The following GRK5 variants were observed in gnomAD, a reference collection of about 807,000 sequenced individuals.
The protein encoded by GRK5 is g protein-coupled receptor kinase GRK5.
A neutral mutation model predicts 78.4 loss-of-function variants in GRK5; 40 were observed. The ratio of observed to expected loss-of-function variants is 0.51; its 90% CI spans 0.40 to 0.66. The LOEUF is 0.66. Ranked by LOEUF, GRK5 falls within the 30% of genes least tolerant of loss-of-function variation. The probability of loss-of-function intolerance (pLI) is 0.00; values close to 1 mark genes in which losing one functional copy is unlikely to be tolerated. For missense variants in GRK5, 598 were observed against 759.9 expected (o/e 0.79, Z 2.50); for synonymous variants, 289 against 296.8 (o/e 0.97, Z 0.27).
chr10:119,409,306 C>G (rs554345961), intron 4 of GRK5, among the ~76,000 whole-genome samples: 42 of 152,312 alleles, frequency 2.8e-4, no homozygotes, highest in African/African-American at 1.0e-3. Context: ...TTCATCTTGG[C>G]GCCTCCTGAC....
At chr10:119,325,908 G>A (rs867689105) in intron 1 of GRK5, among the ~76,000 whole-genome samples, 23 of 152,252 alleles carry the variant, frequency 1.5e-4, no homozygotes, top group African/African-American at 5.1e-4. Context: ...CTCAGTACTC[G>A]TGTGCACTGG....
At chr10:119,401,030 C>T (rs77720443) in intron 4 of GRK5, among the ~76,000 whole-genome samples, 8,063 of 152,194 alleles carry the variant, frequency 0.053, 373 homozygotes, top group East Asian at 0.22. Context: ...TCTGTGTCCC[C>T]GCCCCAGCAT....
chr10:119,324,757 ATGTGTGTGCACT>A (rs903027259), intron 1 of GRK5, among the ~76,000 whole-genome samples: 1 of 152,274 alleles, frequency 6.6e-6, no homozygotes, highest in African/African-American at 2.4e-5. Context: ...TGTACATGAA[ATGTGTGTGCACT>A]TGTGTGTGTG....
At chr10:119,353,010 T>A (rs1415109826) in intron 2 of GRK5, among the ~76,000 whole-genome samples, 2 of 152,210 alleles carry the variant, frequency 1.3e-5, no homozygotes, top group African/African-American at 4.8e-5. Flanking sequence ...GCTGGCCAGT[T>A]GCCAGAAATA....
At chr10:119,407,481 T>G (rs537315449) in intron 4 of GRK5, among the ~76,000 whole-genome samples, 2 of 152,390 alleles carry the variant, frequency 1.3e-5, no homozygotes, top group African/African-American at 4.8e-5. Flanking sequence ...ACATTCGTAA[T>G]GTCTGTGCAA....
At chr10:119,417,676 G>A (rs938727337) in intron 4 of GRK5, among the ~76,000 whole-genome samples, 1 of 152,176 alleles carries the variant, frequency 6.6e-6, no homozygotes, top group African/African-American at 2.4e-5. Context: ...TGGAACAGAA[G>A]ATGAGAGAGG....
chr10:119,449,403 A>C (rs1054170826), intron 13 of GRK5, among the ~76,000 whole-genome samples: 9 of 152,308 alleles, frequency 5.9e-5, no homozygotes, highest in African/African-American at 2.2e-4. Flanking sequence ...GGTGCGGATC[A>C]GTGTCCATGG....
At chr10:119,408,078 G>A (rs570849697) in intron 4 of GRK5, among the ~76,000 whole-genome samples, 2 of 148,596 alleles carry the variant, frequency 1.3e-5, no homozygotes, top group African/African-American at 5.0e-5. Flanking sequence ...CAGGAGAATC[G>A]CTCGAACCCA....
At chr10:119,346,153 G>A (rs923564360) in intron 2 of GRK5, among the ~76,000 whole-genome samples, 1 of 152,170 alleles carries the variant, frequency 6.6e-6, no homozygotes, top group African/African-American at 2.4e-5. Context: ...ACAATGCCTG[G>A]GCTCTGCGGG....
At chr10:119,313,191 A>ATGG (rs1275031589) in intron 1 of GRK5, among the ~76,000 whole-genome samples, 1 of 135,202 alleles carries the variant, frequency 7.4e-6, no homozygotes, top group Non-Finnish European at 1.6e-5. Context: ...GGTGATGATG[A>ATGG]TGGTGGTGGT....
intron 1 of GRK5, among the ~76,000 whole-genome samples, chr10:119,262,073 A>G (rs1345691715): frequency 6.6e-6 from 1 of 152,186 alleles, no homozygotes; most frequent in Non-Finnish European, 1.5e-5. Flanking sequence ...TTGGAAACTC[A>G]CTTTCATTCT....
At chr10:119,405,816 G>T (rs552193422) in intron 4 of GRK5, among the ~76,000 whole-genome samples, 1 of 152,286 alleles carries the variant, frequency 6.6e-6, no homozygotes, top group South Asian at 2.1e-4. Flanking sequence ...TTTTGGCCAT[G>T]TTTGCAGACT....
chr10:119,396,891 G>T (rs1852064433), intron 4 of GRK5, 119 bp downstream of exon 4: 4 of 787,576 alleles, frequency 5.1e-6, no homozygotes, highest in East Asian at 4.8e-5. Flanking sequence ...GGTGGCTGTT[G>T]TTGACCTCCT....
At chr10:119,427,439 A>T (rs1334410713) in intron 6 of GRK5, among the ~76,000 whole-genome samples, 9 of 151,562 alleles carry the variant, frequency 5.9e-5, no homozygotes, top group Non-Finnish European at 1.2e-4. Flanking sequence ...CATCACTGCC[A>T]TCATCAGCAT....
At chr10:119,313,687 G>C (rs1589738914) in intron 1 of GRK5, among the ~76,000 whole-genome samples, 1 of 152,172 alleles carries the variant, frequency 6.6e-6, no homozygotes, top group East Asian at 1.9e-4. Flanking sequence ...CACCCTCCCT[G>C]GAAGGGTTTC....
chr10:119,431,503 C>T lies in GRK5; in HGVS notation c.714C>T (p.Leu238=), dbSNP rs760228524. ...TGGCCCTCAATGAGAAGCAGATCCT[C>T]GAGAAGGTCAACAGTCAGTTTGTGG... is the stretch of plus-strand genomic sequence containing the variant. The part of the protein sequence containing the change: ...ESMALNEKQI[L]EKVNSQFVVN... The change falls in exon 8 of 16, where the codon CTC becomes CTT. Residue 238 remains leucine (L), a synonymous_variant. Coordinates refer to ENST00000392870, the MANE Select transcript of GRK5 (RefSeq NM_005308.3). The surrounding 1 kb of genome is among the most constrained non-coding windows in gnomAD (Gnocchi z 4.8). 39 of 1,613,608 alleles carry T rather than the reference C, an allele frequency of 2.4e-5. 1 individual carries two copies. The highest frequency in any genetic ancestry group is 1.6e-4 in the Middle Eastern group (1 of 6,076).
intron 4 of GRK5, among the ~76,000 whole-genome samples, chr10:119,410,833 A>G (rs1354503169): frequency 2.7e-5 from 4 of 147,242 alleles, no homozygotes; most frequent in African/African-American, 9.9e-5. Context: ...CCTTTGGGCC[A>G]TGATCAAACC....
At chr10:119,341,126 C>T (rs1018595677) in intron 2 of GRK5, among the ~76,000 whole-genome samples, 3 of 152,154 alleles carry the variant, frequency 2.0e-5, no homozygotes, top group Admixed American at 6.5e-5. Context: ...TAGTCTGCCC[C>T]TCTCGCCCCA....
At chr10:119,354,042 CAT>C (rs1851225158) in intron 2 of GRK5, among the ~76,000 whole-genome samples, 5 of 145,360 alleles carry the variant, frequency 3.4e-5, no homozygotes, top group Admixed American at 2.9e-4. Context: ...ATATATATGA[CAT>C]ATATAGATTA....
Sources: allele counts gnomAD v4.1 joint callset (sites outside exome capture counted in the v4.1 genomes callset), GRCh38; gene constraint gnomAD v4.1.1; non-coding constraint Gnocchi (gnomAD v3.1); transcripts MANE v1.5; gene names NCBI Gene and HGNC (gene_info 2026-07-23, HGNC 2026-07-21).